GTF3C3: variants seen among roughly 807,000 people sequenced by gnomAD.
GTF3C3 encodes the protein general transcription factor 3C polypeptide 3.
A neutral mutation model predicts 105.2 loss-of-function variants in GTF3C3; 75 were observed. The observed-to-expected ratio is 0.71, with a 90% CI of 0.59 to 0.86. The LOEUF (loss-of-function observed/expected upper bound fraction) is 0.86, where lower values mean the gene tolerates loss of function less well. GTF3C3 is among the 40% of genes least tolerant of loss of function. GTF3C3 has a pLI of 0.00. For synonymous variants in GTF3C3, 335 were observed against 370.4 expected (o/e 0.90, Z 1.10); for missense variants, 856 against 1,076.5 (o/e 0.80, Z 2.87).
chr2:196,792,955 C>T lies in GTF3C3; in HGVS notation c.411+1G>A. The T allele has an allele frequency of 6.2e-7, 1 of 1,600,058 alleles. No homozygotes were observed. Among genetic ancestry groups the T allele is most frequent in the South Asian group, 1.1e-5 (1 of 90,374 alleles). ...AAATACCAAAATAAGTAAAAATTTA[C>T]TTTCATCATTTTCTTGGTTTCACGA... On this transcript the variant is annotated splice_donor_variant, in intron 3 of 17. Coordinates refer to ENST00000263956, the MANE Select transcript of GTF3C3 (RefSeq NM_012086.5). LOFTEE classifies it high-confidence loss of function.
intron 16 of GTF3C3, 35 bp from the exon 17 acceptor site, chr2:196,766,752 C>A: frequency 6.4e-7 from 1 of 1,558,100 alleles, no homozygotes; most frequent in Non-Finnish European, 8.8e-7. Context: ...CAATATTTCA[C>A]TGATTTGACA....
intron 15 of GTF3C3, 55 bp from the exon 16 acceptor site, chr2:196,770,094 C>A (rs1305281367): frequency 7.0e-6 from 10 of 1,425,406 alleles, no homozygotes; most frequent in African/African-American, 1.5e-5. Flanking sequence ...TTATTTATTT[C>A]TTCAACACTT....
At chr2:196,797,267 T>C (rs1007584085) in intron 2 of GTF3C3, among the ~76,000 whole-genome samples, 1 of 152,194 alleles carries the variant, frequency 6.6e-6, no homozygotes, top group Non-Finnish European at 1.5e-5. Flanking sequence ...TTAAATAGTC[T>C]GGGTGCACTA....
chr2:196,792,836 G>A, intron 3 of GTF3C3, 120 bp downstream of exon 3: 1 of 675,830 alleles, frequency 1.5e-6, no homozygotes, highest in Non-Finnish European at 2.6e-6. Flanking sequence ...AATAACAATA[G>A]TTGTGTCATA....
intron 3 of GTF3C3, among the ~76,000 whole-genome samples, chr2:196,792,616 AC>A (rs1476691203): frequency 1.3e-5 from 2 of 152,102 alleles, no homozygotes; most frequent in Non-Finnish European, 2.9e-5. Flanking sequence ...CTTTGCTTTG[AC>A]TTTATTTATT....
chr2:196,788,732 T>C (rs980756357), intron 6 of GTF3C3, among the ~76,000 whole-genome samples: 1 of 152,080 alleles, frequency 6.6e-6, no homozygotes, highest in African/African-American at 2.4e-5. Flanking sequence ...AATGACACAG[T>C]TGACTTGGAA....
At position 196,776,738 on chromosome 2, in the gene GTF3C3, G is replaced by C; in HGVS notation, c.1391-109C>G. ...ATAGCAATATAAAAAATTATAACAA[G>C]AAATGAATGCGTATTTCTAGTACTT... On this transcript the variant is annotated intron_variant, in intron 10 of 17. Coordinates refer to ENST00000263956, the MANE Select transcript of GTF3C3 (RefSeq NM_012086.5). The surrounding 1 kb of genome is among the most constrained non-coding windows in gnomAD (Gnocchi z 4.5). The C allele has an allele frequency of 1.4e-6, 1 of 699,496 alleles. No individual in the cohort carries two copies. The highest frequency in any genetic ancestry group is 2.4e-6 in the Non-Finnish European group (1 of 413,216). The allele number at this position is 699,496 out of a possible 1,614,324, so 43.3% of individuals were successfully genotyped here.
chr2:196,773,479 G>A (rs924656582), intron 13 of GTF3C3, among the ~76,000 whole-genome samples: 3 of 152,130 alleles, frequency 2.0e-5, no homozygotes, highest in Admixed American at 6.5e-5. Flanking sequence ...TACTTTCTAT[G>A]ACTGTAATCC....
At position 196,789,944 on chromosome 2, in the gene GTF3C3, A is replaced by T. The variant is rs1290561463; in HGVS notation, c.662T>A (p.Val221Asp). The stretch of plus-strand genomic sequence containing the variant: ...TTCCAGAGACATTTCTGCCAGTCTA[A>T]CCCATTCTTCTGTGTCACTGGGATT... Reference protein sequence around the residue: ...HLNPSDTEEWVRLAEMSLEQD... With the variant: ...HLNPSDTEEWDRLAEMSLEQD... Residue 221 changes from valine (V) to aspartate (D), a missense_variant, in exon 5 of 18, where the codon GTT becomes GAT. Transcript: ENST00000263956. The T allele has an allele frequency of 6.2e-7, 1 of 1,613,574 alleles. No individual in the cohort carries two copies.
chr2:196,781,357 A>AAAAAAAAAATATATATATATATATAT, intron 8 of GTF3C3, among the ~76,000 whole-genome samples: 1 of 18,812 alleles, frequency 5.3e-5, no homozygotes, highest in African/African-American at 1.0e-4. Context: ...AAAAAAAAAA[A>AAAAAAAAAATATATATATATATATAT]ATATATATAT....
rs574387574 is a variant in GTF3C3, at chr2:196,795,862, C to A, written c.214+1935G>T. Among the ~76,000 whole-genome samples, 6 of 152,234 alleles carry A rather than the reference C, an allele frequency of 3.9e-5. 1 individual carries two copies. Among genetic ancestry groups the A allele is most frequent in the African/African-American group, 1.2e-4 (5 of 41,532 alleles). On this transcript the variant is annotated intron_variant, in intron 2 of 17. Coordinates refer to ENST00000263956, the MANE Select transcript of GTF3C3 (RefSeq NM_012086.5). ...AATAAAATTATTAAGTCACAGATGA[C>A]ATGATTATATACATAGAAGACCCAA...
At chr2:196,798,368 T>C (rs1482389767) in intron 1 of GTF3C3, among the ~76,000 whole-genome samples, 1 of 150,684 alleles carries the variant, frequency 6.6e-6, no homozygotes, top group Non-Finnish European at 1.5e-5. Context: ...CTACAAAAAA[T>C]ACAAAAATTA....
chr2:196,796,750 T>C (rs1001734202), intron 2 of GTF3C3, among the ~76,000 whole-genome samples: 7 of 152,176 alleles, frequency 4.6e-5, no homozygotes, highest in African/African-American at 1.7e-4. Context: ...CTCCCACTTA[T>C]AAGTGAGAAC....
chr2:196,780,679 C>T lies in GTF3C3; in HGVS notation c.1115-17G>A. On this transcript the variant is annotated splice_polypyrimidine_tract_variant and intron_variant, in intron 8 of 17. Coordinates refer to ENST00000263956, the MANE Select transcript of GTF3C3 (RefSeq NM_012086.5). ...TCTCAGGAGCTGGAGAATACACAGA[C>T]AAGAAGCAGTTACTATATGCAAGCT... 1.2e-6 allele frequency: 2 copies of T among 1,605,922 alleles called. No individual in the cohort carries two copies. The highest frequency in any genetic ancestry group is 1.7e-6 in the Non-Finnish European group (2 of 1,175,194).
intron 16 of GTF3C3, 95 bp downstream of exon 16, chr2:196,769,820 G>T: frequency 1.0e-6 from 1 of 989,790 alleles, no homozygotes; most frequent in Non-Finnish European, 1.5e-6. Flanking sequence ...AGAGCATTGT[G>T]TATTACTTTT....
At chr2:196,777,872 G>C (rs144360080) in intron 10 of GTF3C3, 5 of 152,248 alleles carry the variant, frequency 3.3e-5, no homozygotes, top group African/African-American at 1.2e-4. Context: ...CACAGGAGCA[G>C]TTTCAATATC....
Position 196,775,395 on chromosome 2 carries a change from A to G in GTF3C3, c.1696-144T>C, listed in dbSNP as rs149157418. ...CTTAGCCTCGCAAGTAGCTGGGACC[A>G]CAGGCACATGCCACCATACCCAGCT... On this transcript the variant is annotated intron_variant, in intron 12 of 17. Coordinates refer to ENST00000263956, the MANE Select transcript of GTF3C3 (RefSeq NM_012086.5). The G allele has an allele frequency of 4.7e-5, 27 of 580,526 alleles. No individual in the cohort carries two copies. In the African/African-American group the frequency reaches 4.8e-4, roughly 10 times the overall value. The allele number at this position is 580,526 out of a possible 1,614,324, so 36.0% of individuals were successfully genotyped here.
chr2:196,779,759 AG>A (rs2125744233), intron 9 of GTF3C3, among the ~76,000 whole-genome samples: 1 of 152,270 alleles, frequency 6.6e-6, no homozygotes, highest in South Asian at 2.1e-4. Flanking sequence ...CAGGGTCTGC[AG>A]TCTCTACCTC....
At chr2:196,790,730 T>C (rs1699531755) in intron 4 of GTF3C3, among the ~76,000 whole-genome samples, 1 of 152,160 alleles carries the variant, frequency 6.6e-6, no homozygotes, top group Non-Finnish European at 1.5e-5. Context: ...CAGGAAATTA[T>C]AATAAGACTT....
Sources: gnomAD v4.1 joint callset for allele counts (sites outside exome capture counted in the v4.1 genomes callset) on GRCh38, gnomAD v4.1.1 for gene constraint, Gnocchi (gnomAD v3.1) non-coding constraint, MANE v1.5 for transcripts, NCBI Gene and HGNC (gene_info 2026-07-23, HGNC 2026-07-21) for gene names.